FN3K: variants seen among roughly 807,000 people sequenced by gnomAD.
The protein encoded by FN3K is fructosamine 3 kinase.
A neutral mutation model predicts 24.8 loss-of-function variants in FN3K; 24 were observed. That is an observed-to-expected ratio of 0.97 (90% CI 0.70 to 1.36). The LOEUF is 1.36. Among genes scored for constraint, FN3K ranks in the 40% most tolerant of loss-of-function variants. The pLI is 0.00. For synonymous variants in FN3K, 192 were observed against 175.2 expected (o/e 1.10, Z -0.76); for missense variants, 449 against 416.7 (o/e 1.08, Z -0.67).
intron 1 of FN3K, among the ~76,000 whole-genome samples, chr17:82,737,279 A>G (rs1376702600): frequency 6.6e-6 from 1 of 152,114 alleles, no homozygotes; most frequent in African/African-American, 2.4e-5. Flanking sequence ...TGGGCGACTG[A>G]GGAAAGGTGG....
Position 82,750,730 on chromosome 17 carries a change from G to C in FN3K, c.905G>C (p.Gly302Ala), listed in dbSNP as rs567326977. Residue 302 changes from glycine (G) to alanine (A), a missense_variant, in exon 6 of 6, where the codon GGC becomes GCC. Coordinates refer to ENST00000300784, the MANE Select transcript of FN3K (RefSeq NM_022158.4). ...FGREYRSPSL[G>A]TMRRLLK is the part of the protein sequence containing the mutation. ...CGGGAGTACAGGAGCCCTTCCTTGG[G>C]CACCATGCGAAGGCTGCTCAAGTAG... 162 of 1,613,012 alleles carry C rather than the reference G, an allele frequency of 1.0e-4. 1 individual carries two copies. Among genetic ancestry groups the C allele is most frequent in the Admixed American group, 3.8e-4 (23 of 59,980 alleles).
At chr17:82,743,442 C>T (rs554660314) in intron 4 of FN3K, among the ~76,000 whole-genome samples, 4 of 152,260 alleles carry the variant, frequency 2.6e-5, no homozygotes, top group African/African-American at 4.8e-5. Flanking sequence ...TGTTGTGCCT[C>T]GGACAGCACC....
intron 4 of FN3K, among the ~76,000 whole-genome samples, chr17:82,745,875 C>T (rs927715872): frequency 8.6e-5 from 13 of 151,990 alleles, no homozygotes; most frequent in Non-Finnish European, 1.9e-4. Flanking sequence ...GGGTGGATCA[C>T]AAGGTCAGGA....
chr17:82,742,574 T>C, intron 4 of FN3K: 1 of 385,044 alleles, frequency 2.6e-6, no homozygotes. Flanking sequence ...GGCTGAATAA[T>C]ATTCCATTCT....
chr17:82,750,591 C>T lies in FN3K; in HGVS notation c.766C>T (p.Pro256Ser), dbSNP rs749157682. 3 of 1,614,012 alleles carry T rather than the reference C, an allele frequency of 1.9e-6. No individual in the cohort carries two copies. The highest frequency in any genetic ancestry group is 1.6e-4 in the Middle Eastern group (1 of 6,084). The change falls in exon 6 of 6, where the codon CCC becomes TCC. Residue 256 changes from proline (P) to serine (S), a missense_variant. Coordinates refer to ENST00000300784, the MANE Select transcript of FN3K (RefSeq NM_022158.4). ...LAIALMFGGFPRSFFTAYHRK... is the reference protein window; with the variant it reads ...LAIALMFGGFSRSFFTAYHRK... ...AATCGCCTTGATGTTTGGGGGGTTC[C>T]CCAGATCCTTCTTCACCGCCTACCA... is the stretch of plus-strand genomic sequence containing the variant.
chr17:82,740,971 C>A, intron 3 of FN3K, 117 bp downstream of exon 3: 1 of 730,538 alleles, frequency 1.4e-6, no homozygotes, highest in Non-Finnish European at 2.5e-6. Flanking sequence ...TACCGTCTGT[C>A]TTTACACTAC....
chr17:82,738,772 C>A, intron 2 of FN3K, 132 bp downstream of exon 2: 2 of 1,153,020 alleles, frequency 1.7e-6, no homozygotes, highest in Non-Finnish European at 2.5e-6. Context: ...GTGGCTGAGC[C>A]GTCCACACAA....
chr17:82,746,093 C>CAA (rs373867732), intron 4 of FN3K, among the ~76,000 whole-genome samples: 4,180 of 117,340 alleles, frequency 0.036, 273 homozygotes, highest in African/African-American at 0.11. Flanking sequence ...GACTCCGTCT[C>CAA]AAAAAAAAAA....
chr17:82,738,711 G>C, intron 2 of FN3K, 71 bp downstream of exon 2: 3 of 1,583,484 alleles, frequency 1.9e-6, no homozygotes, highest in Non-Finnish European at 2.6e-6. Context: ...AACAGAGAGA[G>C]ACAGAGAAAG....
chr17:82,742,082 AT>A (rs1303306378), intron 4 of FN3K, among the ~76,000 whole-genome samples: 1 of 151,952 alleles, frequency 6.6e-6, no homozygotes, highest in African/African-American at 2.4e-5. Context: ...TAATTTTTGT[AT>A]TTTTAGTAGA....
chr17:82,745,049 A>C (rs942299150), intron 4 of FN3K: 10 of 152,262 alleles, frequency 6.6e-5, no homozygotes, highest in African/African-American at 2.2e-4. Context: ...CCTTCCTCTT[A>C]TACTAATCCT....
At chr17:82,741,424 G>T (rs768906026) in intron 4 of FN3K, 31 bp downstream of exon 4, 2 of 1,583,662 alleles carry the variant, frequency 1.3e-6, no homozygotes, top group Non-Finnish European at 1.7e-6. Context: ...GTTCCCTGAT[G>T]CCCTAATGCT....
intron 4 of FN3K, among the ~76,000 whole-genome samples, chr17:82,744,623 TAG>T (rs1156538840): frequency 1.2e-5 from 1 of 83,708 alleles, no homozygotes; most frequent in Non-Finnish European, 2.6e-5. Context: ...AGACAAAGTA[TAG>T]AGAGAAATAA....
Position 82,750,915 on chromosome 17 carries a change from C to CCCCTGT in FN3K, c.*163_*164insTGTCCC. ...GTCCCCCCATCCTCCTGTCCCCGTC[C>CCCCTGT]CCCCGTCCCCGTCCCTCCATCCCTG... On this transcript the variant is annotated 3_prime_UTR_variant, in exon 6 of 6. Transcript: ENST00000300784. 2.7e-6 allele frequency: 1 copy of CCCCTGT among 375,646 alleles called. No individual in the cohort carries two copies. The highest frequency in any genetic ancestry group is 4.7e-6 in the Non-Finnish European group (1 of 212,320). The allele number at this position is 375,646 out of a possible 1,614,324, so 23.3% of individuals were successfully genotyped here.
At chr17:82,735,811 G>T in intron 1 of FN3K, 34 bp downstream of exon 1, 1 of 1,543,978 alleles carries the variant, frequency 6.5e-7, no homozygotes, top group Non-Finnish European at 8.7e-7. Flanking sequence ...GGCTCTGCGG[G>T]TCTCTGCGGG....
intron 4 of FN3K, among the ~76,000 whole-genome samples, chr17:82,748,470 TTAGCA>T (rs2046980879): frequency 6.6e-6 from 1 of 151,304 alleles, no homozygotes; most frequent in African/African-American, 2.4e-5. Flanking sequence ...TTGACTAGTG[TTAGCA>T]TGGTATATCT....
chr17:82,737,719 T>C (rs2046911199), intron 1 of FN3K: 1 of 152,144 alleles, frequency 6.6e-6, no homozygotes, highest in Admixed American at 6.5e-5. Context: ...AGCAGGAGAA[T>C]CGTTTGAACC....
rs2047003594 is a variant in FN3K, at chr17:82,750,438, T to A, written c.613T>A (p.Cys205Ser). 6.2e-7 allele frequency: 1 copy of A among 1,614,066 alleles called. No individual in the cohort carries two copies. Among genetic ancestry groups the A allele is most frequent in the African/African-American group, 1.3e-5 (1 of 74,908 alleles). ...RLQVKIPDLF[C>S]GLEIVPALLH... ...GTAGGTGAAGATCCCGGATCTGTTT[T>A]GTGGCCTAGAGATTGTCCCCGCGTT... The change falls in exon 6 of 6, where the codon TGT becomes AGT. Residue 205 changes from cysteine (C) to serine (S), a missense_variant. By Grantham distance (112) the Cys-to-Ser change is moderately radical. Transcript: ENST00000300784.
At chr17:82,741,158 C>T in intron 3 of FN3K, 153 bp from the exon 4 acceptor site, 1 of 744,872 alleles carries the variant, frequency 1.3e-6, no homozygotes, top group Non-Finnish European at 2.4e-6. Flanking sequence ...CCTGGCAGAT[C>T]CATATATTGA....
Sources: allele counts gnomAD v4.1 joint callset (sites outside exome capture counted in the v4.1 genomes callset), GRCh38; gene constraint gnomAD v4.1.1; transcripts MANE v1.5; gene names NCBI Gene and HGNC (gene_info 2026-07-23, HGNC 2026-07-21).